Variants in ABCB4 observed in about 807,000 individuals in gnomAD.
ABCB4 encodes the protein phosphatidylcholine translocator ABCB4.
Under a neutral mutation model 145.7 loss-of-function variants are expected in ABCB4, and 76 were observed. That is an observed-to-expected ratio of 0.52 (90% CI 0.43 to 0.63). The LOEUF (loss-of-function observed/expected upper bound fraction) is 0.63. Ranked by LOEUF, ABCB4 falls within the 30% of genes least tolerant of loss-of-function variation. ABCB4 has a pLI of 0.00. For synonymous variants in ABCB4, 517 were observed against 566.8 expected (o/e 0.91, Z 1.25); for missense variants, 1,234 against 1,553.1 (o/e 0.79, Z 3.45).
the ABCB4 span, among the ~76,000 whole-genome samples, chr7:87,385,010 G>A: frequency 1.4e-4 from 21 of 152,020 alleles, no homozygotes; most frequent in African/African-American, 2.9e-4. Flanking sequence ...GTAAATACAC[G>A]GATTTATTTC....
intron 15 of ABCB4, among the ~76,000 whole-genome samples, chr7:87,430,648 C>A (rs1810152753): frequency 6.6e-6 from 1 of 152,090 alleles, no homozygotes; most frequent in Non-Finnish European, 1.5e-5. Flanking sequence ...CCTCAGCCTC[C>A]AAAGTAGCTG....
chr7:87,422,416 G>A (rs1365394189), intron 17 of ABCB4, among the ~76,000 whole-genome samples, 191 bp from the exon 18 acceptor site: 1 of 152,084 alleles, frequency 6.6e-6, no homozygotes, highest in Non-Finnish European at 1.5e-5. Context: ...TAATTCAGTG[G>A]CGTTAAGTAC....
chr7:87,423,873 A>T, intron 17 of ABCB4, 33 bp downstream of exon 17: 1 of 1,613,782 alleles, frequency 6.2e-7, no homozygotes, highest in East Asian at 2.2e-5. Flanking sequence ...AATTGATCTA[A>T]TTCAGGCTGT....
chr7:87,375,951 G>A, the ABCB4 span: 1 of 1,573,356 alleles, frequency 6.4e-7, no homozygotes. Context: ...GGATTATTCT[G>A]AGGTACTTAA....
At chr7:87,406,253 T>C (rs745369526) in intron 26 of ABCB4, 35 bp downstream of exon 26, 2 of 1,599,370 alleles carry the variant, frequency 1.3e-6, no homozygotes, top group Admixed American at 3.3e-5. Flanking sequence ...GGATAAAAAG[T>C]AGTCTCTTCT....
chr7:87,439,604 AC>A, intron 14 of ABCB4, 62 bp downstream of exon 14: 1 of 1,584,950 alleles, frequency 6.3e-7, no homozygotes, highest in Non-Finnish European at 8.7e-7. Flanking sequence ...CTCCGGAAGC[AC>A]TGGCAAGAAT....
At chr7:87,411,219 C>CA (rs111457958) in intron 23 of ABCB4, among the ~76,000 whole-genome samples, 1,652 of 151,874 alleles carry the variant, frequency 0.011, 31 homozygotes, top group African/African-American at 0.038. Flanking sequence ...GACCCTGTTT[C>CA]AAAAATGGCT....
In ABCB4 at chr7:87,440,104, T is replaced by A. The variant is rs1042842155; in HGVS notation, c.1560+95A>T. 74 of 1,388,956 alleles carry A rather than the reference T, an allele frequency of 5.3e-5. No homozygotes were observed. In the South Asian group the frequency reaches 8.6e-4, roughly 16 times the overall value. The allele number at this position is 1,388,956 out of a possible 1,614,324, so 86.0% of individuals were successfully genotyped here. Reference sequence around the variant, plus strand: ...TCTAGCAAAGTTGGACAATCTTGCATCTCAAACATTATTAGCTAAACCTTT... The same window carrying A: ...TCTAGCAAAGTTGGACAATCTTGCAACTCAAACATTATTAGCTAAACCTTT... On this transcript the variant is annotated intron_variant, in intron 13 of 27. Coordinates refer to ENST00000649586, the MANE Select transcript of ABCB4 (RefSeq NM_000443.4).
intron 20 of ABCB4, 62 bp downstream of exon 20, chr7:87,418,475 G>A: frequency 1.4e-6 from 2 of 1,434,796 alleles, no homozygotes; most frequent in South Asian, 1.1e-5. Flanking sequence ...GTGTGGGTAT[G>A]CTACATGCTT....
chr7:87,443,580 T>C lies in ABCB4; in HGVS notation c.1230+83A>G, dbSNP rs938945400. 4 of 1,528,116 alleles carry C rather than the reference T, an allele frequency of 2.6e-6. No individual in the cohort carries two copies. In the African/African-American group the frequency reaches 5.5e-5, roughly 21 times the overall value. The allele number at this position is 1,528,116 out of a possible 1,614,324, so 94.7% of individuals were successfully genotyped here. A position where few individuals can be genotyped will look rare whatever the true frequency, so the allele number is the denominator to read the frequency against. On this transcript the variant is annotated intron_variant, in intron 11 of 27. Transcript: ENST00000649586. Reference sequence around the variant, plus strand: ...CCCCAAAGGAAAAGGCACATAAGTATCAAAATAATAGAGACTTTATTCTTT... The same window carrying C: ...CCCCAAAGGAAAAGGCACATAAGTACCAAAATAATAGAGACTTTATTCTTT...
chr7:87,426,763 T>C lies in ABCB4; in HGVS notation c.2051A>G (p.Glu684Gly), dbSNP rs768922489. 3.1e-6 allele frequency: 5 copies of C among 1,613,856 alleles called. No homozygotes were observed. Among genetic ancestry groups the C allele is most frequent in the Non-Finnish European group, 4.2e-6 (5 of 1,179,884 alleles). ...AAAACAACTTACAAGTCCATCGGTT[T>C]CCACATCAAGGCTCTTCTGACACAT... ...SQMCQKSLDV[E>G]TDGLEANVPP... The change falls in exon 16 of 28, where the codon GAA (glutamate) becomes GGA (glycine). Residue 684 changes from glutamate (E) to glycine (G), a missense_variant. By Grantham distance (98) the Glu-to-Gly change is moderately conservative. Around this residue, in one of 7 missense-constraint regions of ABCB4, gnomAD observed 321 missense variants for 332.6 expected, o/e 0.97. Coordinates refer to ENST00000649586, the MANE Select transcript of ABCB4 (RefSeq NM_000443.4).
intron 19 of ABCB4, among the ~76,000 whole-genome samples, chr7:87,419,174 T>A (rs1460378720): frequency 6.6e-6 from 1 of 152,228 alleles, no homozygotes; most frequent in Non-Finnish European, 1.5e-5. Flanking sequence ...TACTCATCCA[T>A]GGCATCTTTT....
At chr7:87,383,733 G>A in the ABCB4 span, among the ~76,000 whole-genome samples, 4 of 152,254 alleles carry the variant, frequency 2.6e-5, no homozygotes, top group South Asian at 6.2e-4. Flanking sequence ...CTGAGCTCAG[G>A]TGATCTGCGT....
chr7:87,460,865 C>T (rs1812412825), intron 4 of ABCB4, among the ~76,000 whole-genome samples: 1 of 152,070 alleles, frequency 6.6e-6, no homozygotes. Context: ...TGGGCATCAT[C>T]CTGCTCTATA....
At chr7:87,426,975 G>GTC in intron 15 of ABCB4, 55 bp from the exon 16 acceptor site, 1 of 1,510,282 alleles carries the variant, frequency 6.6e-7, no homozygotes, top group South Asian at 1.1e-5. Context: ...GTGTGTGTGT[G>GTC]TGTGTCTCCA....
the ABCB4 span, chr7:87,382,112 G>C: frequency 5.0e-6 from 8 of 1,613,472 alleles, no homozygotes; most frequent in South Asian, 8.8e-5. Context: ...TTCCAGAAGA[G>C]CTCATTTTCA....
chr7:87,451,849 G>A, intron 6 of ABCB4, 55 bp from the exon 7 acceptor site: 1 of 1,546,894 alleles, frequency 6.5e-7, no homozygotes, highest in Non-Finnish European at 8.9e-7. Context: ...TTAGAAAGAT[G>A]AAGTAGACAT....
chr7:87,396,790 C>T (rs931072753), downstream of ABCB4, among the ~76,000 whole-genome samples: 1 of 151,974 alleles, frequency 6.6e-6, no homozygotes, highest in Non-Finnish European at 1.5e-5. Flanking sequence ...TGCTCCCAAC[C>T]TATAATGTAT....
At chr7:87,464,563 C>T (rs1353005064) in intron 3 of ABCB4, among the ~76,000 whole-genome samples, 1 of 152,154 alleles carries the variant, frequency 6.6e-6, no homozygotes, top group African/African-American at 2.4e-5. Flanking sequence ...TAATTGAATA[C>T]AATTTTACAG....
Sources: gnomAD v4.1 joint callset for allele counts (sites outside exome capture counted in the v4.1 genomes callset) on GRCh38, gnomAD v4.1.1 for gene constraint, gnomAD v4.1.1 regional missense constraint, MANE v1.5 for transcripts, NCBI Gene and HGNC (gene_info 2026-07-23, HGNC 2026-07-21) for gene names.